Variants in KALRN observed in about 807,000 individuals in gnomAD.
The protein encoded by KALRN is kalirin RhoGEF kinase, also known as kalirin.
KALRN carries 70 observed loss-of-function variants against 353.7 expected under a neutral mutation model. The observed-to-expected ratio is 0.20, with a 90% CI of 0.16 to 0.24. The LOEUF (loss-of-function observed/expected upper bound fraction) is 0.24, where lower values mean the gene tolerates loss of function less well. Among genes scored for constraint, KALRN ranks in the 10% least tolerant of loss-of-function variants. The pLI is 1.00. For missense variants in KALRN, 2,791 were observed against 3,756.7 expected, an observed-to-expected ratio of 0.74 and a Z score of 6.72; for synonymous variants, 1,391 against 1,434.8, an observed-to-expected ratio of 0.97 and a Z score of 0.69.
chr3:124,346,163 C>T (rs184630617), intron 9 of KALRN, among the ~76,000 whole-genome samples: 108 of 152,262 alleles, frequency 7.1e-4, no homozygotes, highest in African/African-American at 2.5e-3. Context: ...TGAGCGCCAA[C>T]TCTTCAGAGA....
intron 1 of KALRN, among the ~76,000 whole-genome samples, chr3:124,058,249 C>G (rs190826877): frequency 6.6e-6 from 1 of 152,240 alleles, no homozygotes; most frequent in Admixed American, 6.5e-5. Context: ...CATCCAAATT[C>G]CCCATAGAAT....
At chr3:124,706,153 C>T (rs1277161243) in intron 57 of KALRN, among the ~76,000 whole-genome samples, 3 of 152,152 alleles carry the variant, frequency 2.0e-5, no homozygotes, top group South Asian at 2.1e-4. Context: ...GCAGTCCTCC[C>T]GCCTTGGCCT....
In KALRN at chr3:124,272,969, G is replaced by T. The variant is rs74736175; in HGVS notation, c.969+3714G>T. 0.041 allele frequency among the ~76,000 whole-genome samples: 6,244 copies of T among 152,268 alleles called. 746 individuals carry two copies. The East Asian group carries it at 0.47, about 11-fold the overall frequency. ...CAAGTCTTAGTCTCCCTTCTGGTGG[G>T]AGGCTGGTTGGCGGAGGCCTCTAAT... is the stretch of plus-strand genomic sequence containing the variant. On this transcript the variant is annotated intron_variant, in intron 5 of 59. Coordinates refer to ENST00000682506, the MANE Select transcript of KALRN (RefSeq NM_001388419.1).
chr3:124,454,880 A>T (rs1314752609), intron 21 of KALRN, among the ~76,000 whole-genome samples: 1 of 152,202 alleles, frequency 6.6e-6, no homozygotes, highest in Non-Finnish European at 1.5e-5. Context: ...TATATAAGGA[A>T]CTTGCATATC....
intron 6 of KALRN, among the ~76,000 whole-genome samples, chr3:124,321,608 C>T (rs2079346316): frequency 1.3e-5 from 2 of 152,154 alleles, no homozygotes; most frequent in Admixed American, 1.3e-4. Context: ...GACAAGGCCT[C>T]AGAAGAAGGG....
intron 5 of KALRN, among the ~76,000 whole-genome samples, chr3:124,291,560 G>A (rs1487011160): frequency 4.6e-5 from 7 of 152,164 alleles, no homozygotes; most frequent in African/African-American, 9.7e-5. Context: ...AGAGAAATCC[G>A]ACCTGTTCTA....
intron 10 of KALRN, among the ~76,000 whole-genome samples, chr3:124,354,167 T>G (rs571605356): frequency 6.6e-6 from 1 of 152,310 alleles, no homozygotes; most frequent in East Asian, 1.9e-4. Context: ...GCTGCTTCCT[T>G]TGGGGAACAA....
intron 1 of KALRN, among the ~76,000 whole-genome samples, chr3:124,198,923 T>C (rs1042986353): frequency 6.6e-6 from 1 of 152,160 alleles, no homozygotes; most frequent in Non-Finnish European, 1.5e-5. Flanking sequence ...TCAGCCAGAA[T>C]CTGGAAGTAC....
chr3:124,404,927 C>T (rs1230721612), intron 13 of KALRN, among the ~76,000 whole-genome samples: 1 of 152,076 alleles, frequency 6.6e-6, no homozygotes, highest in Non-Finnish European at 1.5e-5. Context: ...TTGCTGTTCT[C>T]CACGTTTGTA....
At chr3:124,253,989 A>C (rs1580093052) in intron 3 of KALRN, among the ~76,000 whole-genome samples, 1 of 152,188 alleles carries the variant, frequency 6.6e-6, no homozygotes, top group East Asian at 1.9e-4. Flanking sequence ...GGAATCTGCC[A>C]GACATTCATA....
intron 34 of KALRN, chr3:124,584,625 C>T (rs1404758177): frequency 2.8e-5 from 39 of 1,406,888 alleles, no homozygotes; most frequent in Non-Finnish European, 3.2e-5. Context: ...GCCCTCCCTC[C>T]CCGCCTGGCC....
intron 1 of KALRN, among the ~76,000 whole-genome samples, chr3:124,172,086 C>T (rs1221014942): frequency 6.6e-6 from 1 of 152,138 alleles, no homozygotes; most frequent in East Asian, 1.9e-4. Flanking sequence ...TCTTATTTTC[C>T]TTATCCATAA....
At chr3:124,439,198 T>TTACACA (rs1553969698) in intron 18 of KALRN, among the ~76,000 whole-genome samples, 161 bp downstream of exon 18, 2 of 125,456 alleles carry the variant, frequency 1.6e-5, no homozygotes, top group African/African-American at 6.6e-5. Context: ...TCTCTCTCTC[T>TTACACA]CTCACACACA....
rs2039131762 is a variant in KALRN at position 124,033,891 on chromosome 3, G to A, written c.73+78G>A. Among the ~76,000 whole-genome samples, 1 of 152,192 alleles carries A rather than the reference G, an allele frequency of 6.6e-6. No individual in the cohort carries two copies. Among genetic ancestry groups the A allele is most frequent in the African/African-American group, 2.4e-5 (1 of 41,456 alleles). ...CGGCGTCTCGGACAAGTTTGGGGAA[G>A]GAGGGCTGTTGCTGCCGCGTGCGTG... On this transcript the variant is annotated intron_variant, in intron 1 of 59. Coordinates refer to ENST00000682506, the MANE Select transcript of KALRN (RefSeq NM_001388419.1). The surrounding 1 kb of genome is among the most constrained non-coding windows in gnomAD (Gnocchi z 6.2).
rs550309557 is a variant in KALRN, at chr3:124,046,997, T to C, written c.73+13184T>C. On this transcript the variant is annotated intron_variant, in intron 1 of 59. Coordinates refer to ENST00000682506, the MANE Select transcript of KALRN (RefSeq NM_001388419.1). ...AGGAAATGTATCTTTTTTTTTTTTT[T>C]TTTTCTGTCGACAGGCAATTCTGCT... 6.6e-5 allele frequency among the ~76,000 whole-genome samples: 10 copies of C among 151,974 alleles called. No homozygotes were observed. The South Asian group carries it at 2.1e-3, about 32-fold the overall frequency.
At chr3:124,327,417 G>GT (rs1355216203) in intron 7 of KALRN, among the ~76,000 whole-genome samples, 5 of 152,262 alleles carry the variant, frequency 3.3e-5, no homozygotes, top group Admixed American at 1.3e-4. Context: ...AACTATACAT[G>GT]TTTGTCAGTT....
chr3:124,613,201 A>T (rs76113864), intron 34 of KALRN, among the ~76,000 whole-genome samples: 2 of 12,312 alleles, frequency 1.6e-4, no homozygotes, highest in Middle Eastern at 0.05. Context: ...TGCCTCCTTT[A>T]AAAAAAAAAT....
intron 14 of KALRN, among the ~76,000 whole-genome samples, chr3:124,418,734 C>T (rs2092634078): frequency 6.6e-6 from 1 of 152,272 alleles, no homozygotes; most frequent in Non-Finnish European, 1.5e-5. Flanking sequence ...TGGCTTTTAG[C>T]CCTAAAGAAA....
At chr3:124,355,641 C>G (rs752242714) in intron 10 of KALRN, among the ~76,000 whole-genome samples, 4 of 151,568 alleles carry the variant, frequency 2.6e-5, no homozygotes, top group Admixed American at 6.6e-5. Flanking sequence ...GTGCTTCGTC[C>G]CACTGGAGGT....
Sources: gnomAD v4.1 joint callset for allele counts (sites outside exome capture counted in the v4.1 genomes callset) on GRCh38, gnomAD v4.1.1 for gene constraint, Gnocchi (gnomAD v3.1) non-coding constraint, MANE v1.5 for transcripts, NCBI Gene and HGNC (gene_info 2026-07-23, HGNC 2026-07-21) for gene names.